NAXD: variants seen among roughly 807,000 people sequenced by gnomAD.
NAXD encodes NAD(P)HX dehydratase.
Under a neutral mutation model 35.8 loss-of-function variants are expected in NAXD, and 22 were observed. The observed-to-expected ratio is 0.62, with a 90% CI of 0.44 to 0.88. NAXD has a LOEUF of 0.88. Among genes scored for constraint, NAXD ranks in the 40% least tolerant of loss-of-function variants. NAXD has a pLI of 0.00. For synonymous variants in NAXD, 189 were observed against 177.6 expected (o/e 1.06, Z -0.51); for missense variants, 428 against 437.7 (o/e 0.98, Z 0.20).
rs34104098 is a variant in NAXD at position 110,635,578 on chromosome 13, C to T, written c.708C>T (p.Asn236=). 9.6e-4 allele frequency: 1,543 copies of T among 1,614,040 alleles called. 4 individuals are homozygous for T. In the African/African-American group the frequency reaches 0.012, roughly 13 times the overall value. ...AAGGAGAGCGCGACATCCTCTCCAA[C>T]GGCCAGCAGGGTGAGTGGCGGCTGC... ...VQKGERDILS[N]GQQVLVCSQE... The change falls in exon 8 of 10, where the codon AAC becomes AAT. Residue 236 remains asparagine (N), a synonymous_variant. Transcript: ENST00000680254.
rs1292290955 is a variant in NAXD at position 110,620,308 on chromosome 13, G to A, written c.47-1908G>A. Among the ~76,000 whole-genome samples the A allele has an allele frequency of 4.0e-5, 6 of 151,866 alleles. No individual in the cohort carries two copies. In the East Asian group the frequency reaches 1.2e-3, roughly 30 times the overall value. On this transcript the variant is annotated intron_variant, in intron 1 of 9. Coordinates refer to ENST00000680254, the MANE Select transcript of NAXD (RefSeq NM_001242882.2). ...GAAAAGATTTGGGGTTGGGCTGAGC[G>A]CGGTGGCTCACACCTGTAATCCTAG...
At chr13:110,632,776 C>T (rs1016481227) in intron 5 of NAXD, among the ~76,000 whole-genome samples, 2 of 151,692 alleles carry the variant, frequency 1.3e-5, no homozygotes, top group Non-Finnish European at 2.9e-5. Flanking sequence ...TCTCCAAGGC[C>T]CCACCAGAGC....
At chr13:110,634,432 C>T (rs1886837840) in intron 5 of NAXD, 113 bp from the exon 6 acceptor site, 2 of 1,082,034 alleles carry the variant, frequency 1.8e-6, no homozygotes, top group Admixed American at 3.8e-5. Flanking sequence ...TTAAAGGCCC[C>T]ACCTCCCAGG....
At chr13:110,620,144 T>C (rs898180610) in intron 1 of NAXD, among the ~76,000 whole-genome samples, 7 of 151,962 alleles carry the variant, frequency 4.6e-5, no homozygotes, top group Non-Finnish European at 8.8e-5. Flanking sequence ...AAAACCATAA[T>C]TTAGCCCTCC....
intron 5 of NAXD, among the ~76,000 whole-genome samples, chr13:110,629,539 G>A (rs542501482): frequency 6.6e-6 from 1 of 152,238 alleles, no homozygotes; most frequent in South Asian, 2.1e-4. Context: ...CGCCTGTTCA[G>A]GACATTTCAT....
chr13:110,634,851 C>A, intron 7 of NAXD, 75 bp downstream of exon 7: 1 of 1,121,598 alleles, frequency 8.9e-7, no homozygotes. Flanking sequence ...GAGCTCCATG[C>A]TTCTGCCCAG....
At chr13:110,619,805 T>C (rs1466033348) in intron 1 of NAXD, among the ~76,000 whole-genome samples, 1 of 152,104 alleles carries the variant, frequency 6.6e-6, no homozygotes, top group African/African-American at 2.4e-5. Context: ...CCCATAAATG[T>C]CTTTTTTTTT....
At position 110,625,289 on chromosome 13, in the gene NAXD, C is replaced by T; in HGVS notation, c.332+11C>T. On this transcript the variant is annotated intron_variant, in intron 4 of 9. Transcript: ENST00000680254. Reference sequence around the variant, plus strand: ...CGTCCACCCAGTTCTGTGAGTCGCTCTGCGCCGGCTTCTCGTAGGTTCTCT... The same window carrying T: ...CGTCCACCCAGTTCTGTGAGTCGCTTTGCGCCGGCTTCTCGTAGGTTCTCT... 2 of 1,593,132 alleles carry T rather than the reference C, an allele frequency of 1.3e-6. No individual in the cohort carries two copies.
At chr13:110,630,417 G>A (rs1301212495) in intron 5 of NAXD, among the ~76,000 whole-genome samples, 1 of 151,988 alleles carries the variant, frequency 6.6e-6, no homozygotes, top group Non-Finnish European at 1.5e-5. Flanking sequence ...TGACTTTTAG[G>A]AGTTCTTCAT....
Position 110,615,716 on chromosome 13 carries a change from G to C in NAXD, c.46+69G>C, listed in dbSNP as rs201257355. ...GGGCCGGAACTGCCGTCGCCGGCGC[G>C]GTCGTTGTCGCATTGCTCTCGGCCG... On this transcript the variant is annotated intron_variant, in intron 1 of 9. Coordinates refer to ENST00000680254, the MANE Select transcript of NAXD (RefSeq NM_001242882.2). 2.7e-3 allele frequency: 4,154 copies of C among 1,515,566 alleles called. 16 individuals carry two copies. Among genetic ancestry groups the C allele is most frequent in the Non-Finnish European group, 3.3e-3 (3,708 of 1,138,382 alleles). 93.9% of individuals were successfully genotyped at this position (1,515,566 alleles called of 1,614,324 possible).
intron 5 of NAXD, among the ~76,000 whole-genome samples, chr13:110,633,390 C>G (rs1390278450): frequency 4.6e-5 from 7 of 152,218 alleles, no homozygotes; most frequent in African/African-American, 7.2e-5. Context: ...GCAGGCAGCC[C>G]CAGTTCCCGC....
chr13:110,637,004 T>C, intron 8 of NAXD, 125 bp from the exon 9 acceptor site: 1 of 1,097,456 alleles, frequency 9.1e-7, no homozygotes, highest in Non-Finnish European at 1.3e-6. Flanking sequence ...AGGATGTGAG[T>C]GGAGCCTCAG....
chr13:110,622,165 C>CT, intron 1 of NAXD, 51 bp from the exon 2 acceptor site: 1 of 1,517,232 alleles, frequency 6.6e-7, no homozygotes, highest in South Asian at 1.2e-5. Context: ...ATTATGTGTA[C>CT]TAACAATATC....
At chr13:110,618,178 T>A (rs1886130737) in intron 1 of NAXD, among the ~76,000 whole-genome samples, 2 of 152,234 alleles carry the variant, frequency 1.3e-5, no homozygotes, top group South Asian at 4.1e-4. Context: ...TACTATTAAT[T>A]ATATTATGAG....
intron 5 of NAXD, among the ~76,000 whole-genome samples, chr13:110,633,898 G>C (rs1341160250): frequency 6.6e-6 from 1 of 152,044 alleles, no homozygotes; most frequent in African/African-American, 2.4e-5. Flanking sequence ...AATGATTTGG[G>C]GAATTCTCAG....
chr13:110,619,653 T>C (rs1886186247), intron 1 of NAXD, among the ~76,000 whole-genome samples: 1 of 152,106 alleles, frequency 6.6e-6, no homozygotes, highest in Non-Finnish European at 1.5e-5. Context: ...CAGAAGACAT[T>C]TGGGAGTGTT....
chr13:110,631,484 G>A (rs1180655831), intron 5 of NAXD, among the ~76,000 whole-genome samples: 1 of 152,108 alleles, frequency 6.6e-6, no homozygotes, highest in Non-Finnish European at 1.5e-5. Flanking sequence ...CCATGGGTGG[G>A]GACACCCTTC....
chr13:110,632,557 C>T (rs1409369761), intron 5 of NAXD, among the ~76,000 whole-genome samples: 2 of 152,080 alleles, frequency 1.3e-5, no homozygotes, highest in African/African-American at 4.8e-5. Flanking sequence ...CACAAAGGTT[C>T]TCCACGTCCC....
chr13:110,617,092 C>G (rs887553252), intron 1 of NAXD, among the ~76,000 whole-genome samples: 1 of 152,208 alleles, frequency 6.6e-6, no homozygotes, highest in Non-Finnish European at 1.5e-5. Context: ...GATTTATTAT[C>G]AGACTGCCTA....
Sources: allele counts gnomAD v4.1 joint callset (sites outside exome capture counted in the v4.1 genomes callset), GRCh38; gene constraint gnomAD v4.1.1; transcripts MANE v1.5; gene names NCBI Gene and HGNC (gene_info 2026-07-23, HGNC 2026-07-21).